ENOX1: variants seen among roughly 807,000 people sequenced by gnomAD.
ENOX1 encodes the protein ecto-NOX disulfide-thiol exchanger 1, also known as candidate growth-related and time keeping constitutive hydroquinone (NADH) oxidase.
Under a neutral mutation model 82.5 loss-of-function variants are expected in ENOX1, and 42 were observed. The observed-to-expected ratio is 0.51, with a 90% CI of 0.40 to 0.66. The LOEUF is 0.66. Among genes scored for constraint, ENOX1 ranks in the 30% least tolerant of loss-of-function variants. The probability of loss-of-function intolerance (pLI) is 0.00; values close to 1 mark genes in which losing one functional copy is unlikely to be tolerated. For missense variants in ENOX1, 608 were observed against 811.6 expected, an observed-to-expected ratio of 0.75 and a Z score of 3.05; for synonymous variants, 271 against 282.2, an observed-to-expected ratio of 0.96 and a Z score of 0.40.
chr13:43,677,413 G>A (rs991189428), intron 1 of ENOX1, among the ~76,000 whole-genome samples: 4 of 152,174 alleles, frequency 2.6e-5, no homozygotes, highest in Admixed American at 1.3e-4. Flanking sequence ...CATCGTACAG[G>A]TGGCTCTGAG....
chr13:43,530,291 T>C (rs1275296111), intron 2 of ENOX1, among the ~76,000 whole-genome samples: 5 of 152,118 alleles, frequency 3.3e-5, no homozygotes, highest in Non-Finnish European at 7.4e-5. Context: ...AGGAGTAGAA[T>C]TTTTCCAAAA....
chr13:43,425,093 G>GA (rs1197730499), intron 3 of ENOX1, among the ~76,000 whole-genome samples: 1 of 152,196 alleles, frequency 6.6e-6, no homozygotes, highest in African/African-American at 2.4e-5. Flanking sequence ...AGGGGGCACA[G>GA]AAAGGTGGTT....
At chr13:43,615,571 A>G (rs2153741874) in intron 2 of ENOX1, among the ~76,000 whole-genome samples, 1 of 152,288 alleles carries the variant, frequency 6.6e-6, no homozygotes, top group South Asian at 2.1e-4. Flanking sequence ...CTAATTAATC[A>G]TGAAAACTCT....
chr13:43,580,440 T>C (rs894216036), intron 2 of ENOX1, among the ~76,000 whole-genome samples: 5 of 152,314 alleles, frequency 3.3e-5, no homozygotes, highest in Non-Finnish European at 5.9e-5. Flanking sequence ...CTGTGAGGTA[T>C]TTTCAAGTGC....
At chr13:43,384,127 G>A (rs950614865) in intron 5 of ENOX1, among the ~76,000 whole-genome samples, 1 of 152,214 alleles carries the variant, frequency 6.6e-6, no homozygotes, top group African/African-American at 2.4e-5. Context: ...TAACAGCACT[G>A]ATTTCACTGG....
At chr13:43,400,184 A>G (rs2053412909) in intron 5 of ENOX1, among the ~76,000 whole-genome samples, 1 of 152,130 alleles carries the variant, frequency 6.6e-6, no homozygotes, top group African/African-American at 2.4e-5. Flanking sequence ...AAGAGTGTCC[A>G]GACATTTTAC....
At chr13:43,698,255 C>A (rs1259666551) in intron 1 of ENOX1, among the ~76,000 whole-genome samples, 2 of 152,180 alleles carry the variant, frequency 1.3e-5, no homozygotes, top group African/African-American at 2.4e-5. Context: ...CCTTCAAAAG[C>A]CCCTTTAGTT....
At chr13:43,247,151 A>G (rs2043123591) in intron 14 of ENOX1, among the ~76,000 whole-genome samples, 1 of 152,194 alleles carries the variant, frequency 6.6e-6, no homozygotes, top group Middle Eastern at 3.4e-3. Context: ...CCCCGTCTCT[A>G]CTAAAAATAT....
chr13:43,432,803 TTTTG>T lies in ENOX1; in HGVS notation c.-74-19819_-74-19816del, dbSNP rs374293537. ...CTTTCTACTTTCGCCCTTTAAGTTT[TTTTG>T]TTTATTTATTTCTTTTTTTTAAGGG... is the stretch of plus-strand genomic sequence containing the variant. On this transcript the variant is annotated intron_variant, in intron 3 of 16. Transcript: ENST00000690772. Among the ~76,000 whole-genome samples the T allele has an allele frequency of 4.3e-3, 657 of 152,310 alleles. 3 individuals are homozygous for T. The highest frequency in any genetic ancestry group is 0.015 in the African/African-American group (616 of 41,558).
chr13:43,614,939 A>C (rs1246067358), intron 2 of ENOX1, among the ~76,000 whole-genome samples: 1 of 152,192 alleles, frequency 6.6e-6, no homozygotes, highest in Non-Finnish European at 1.5e-5. Flanking sequence ...CATGCATTTT[A>C]ACAAGATCTC....
intron 7 of ENOX1, among the ~76,000 whole-genome samples, chr13:43,359,032 A>C (rs1437397495): frequency 2.6e-5 from 4 of 152,192 alleles, no homozygotes; most frequent in African/African-American, 4.8e-5. Flanking sequence ...GCAGAAATTA[A>C]GTAAAACCTG....
chr13:43,307,094 A>C (rs1236939098), intron 11 of ENOX1, among the ~76,000 whole-genome samples: 6 of 152,204 alleles, frequency 3.9e-5, no homozygotes, highest in Non-Finnish European at 8.8e-5. Flanking sequence ...TATCCAGACT[A>C]GTAAGTGGGC....
intron 2 of ENOX1, among the ~76,000 whole-genome samples, chr13:43,535,171 T>G (rs1267145914): frequency 1.3e-5 from 2 of 152,168 alleles, no homozygotes; most frequent in Non-Finnish European, 2.9e-5. Flanking sequence ...TGAGTAGAGG[T>G]TAGCTGCTGC....
At chr13:43,337,120 T>C (rs1159032563) in intron 9 of ENOX1, among the ~76,000 whole-genome samples, 1 of 152,234 alleles carries the variant, frequency 6.6e-6, no homozygotes, top group Non-Finnish European at 1.5e-5. Flanking sequence ...CTAAGATCAT[T>C]GAGATCACGG....
chr13:43,245,643 C>T (rs1021065593), intron 14 of ENOX1, among the ~76,000 whole-genome samples: 34 of 152,182 alleles, frequency 2.2e-4, no homozygotes, highest in African/African-American at 8.0e-4. Flanking sequence ...AATCTTGGCA[C>T]TGCCCATCCC....
Position 43,470,344 on chromosome 13 carries a change from A to ATATATATATGTG in ENOX1, c.-75+13664_-75+13665insCACATATATATA, listed in dbSNP as rs1566306893. ...CATATATATATGTATATATATACGTATATATATATGTATATATATACGTAT... is the reference window on the plus strand; with the variant it reads ...CATATATATATGTATATATATACGTATATATATATGTGTATATATATGTATATATATACGTAT... On this transcript the variant is annotated intron_variant, in intron 3 of 16. Coordinates refer to ENST00000690772, the MANE Select transcript of ENOX1 (RefSeq NM_001347969.2). Among the ~76,000 whole-genome samples the ATATATATATGTG allele has an allele frequency of 8.9e-3, 103 of 11,526 alleles. 10 individuals are homozygous for ATATATATATGTG. The highest frequency in any genetic ancestry group is 0.021 in the Non-Finnish European group (92 of 4,458). The allele number at this position is 11,526 out of a possible 152,430, so 7.6% of individuals were successfully genotyped here. A position where few individuals can be genotyped will look rare whatever the true frequency, so the allele number is the denominator to read the frequency against.
intron 2 of ENOX1, among the ~76,000 whole-genome samples, chr13:43,620,560 GT>G (rs1359554344): frequency 6.6e-6 from 1 of 152,082 alleles, no homozygotes. Flanking sequence ...GGTTTTGAAG[GT>G]TCCTTTTGGA....
chr13:43,685,621 GT>G (rs1222904977), intron 1 of ENOX1, among the ~76,000 whole-genome samples: 2 of 151,696 alleles, frequency 1.3e-5, no homozygotes, highest in Admixed American at 6.6e-5. Flanking sequence ...ATGGTGACAG[GT>G]TTTTTTTTAA....
intron 2 of ENOX1, among the ~76,000 whole-genome samples, chr13:43,492,406 G>C (rs1226356123): frequency 6.6e-6 from 1 of 152,090 alleles, no homozygotes; most frequent in Non-Finnish European, 1.5e-5. Flanking sequence ...AAAATAGGGG[G>C]TCAGGCCTGA....
Sources: allele counts gnomAD v4.1 joint callset (sites outside exome capture counted in the v4.1 genomes callset), GRCh38; gene constraint gnomAD v4.1.1; transcripts MANE v1.5; gene names NCBI Gene and HGNC (gene_info 2026-07-23, HGNC 2026-07-21).